PYY: variants seen among roughly 807,000 people sequenced by gnomAD.
The protein encoded by PYY is peptide tyrosine tyrosine.
In PYY, 12 loss-of-function variants were observed where a neutral mutation model predicts 10.3. The ratio of observed to expected loss-of-function variants is 1.17; its 90% CI spans 0.75 to 1.89. The LOEUF (loss-of-function observed/expected upper bound fraction) is 1.89. Among genes scored for constraint, PYY ranks in the 40% most tolerant of loss-of-function variants. The pLI is 0.00. For missense variants in PYY, 141 were observed against 134.0 expected (o/e 1.05, Z -0.26); for synonymous variants, 66 against 62.0 (o/e 1.06, Z -0.30).
At chr17:43,961,287 A>G (rs923514123) in intron 2 of PYY, among the ~76,000 whole-genome samples, 1 of 151,856 alleles carries the variant, frequency 6.6e-6, no homozygotes. Context: ...AAGTATCAGG[A>G]AGAATAGCTA....
intron 1 of PYY, among the ~76,000 whole-genome samples, chr17:43,996,983 G>T (rs576921508): frequency 6.6e-6 from 1 of 151,582 alleles, no homozygotes; most frequent in Non-Finnish European, 1.5e-5. Context: ...GCCACTGCAC[G>T]TGGCCTAATT....
chr17:43,995,614 A>T (rs949655392), intron 1 of PYY, among the ~76,000 whole-genome samples: 4 of 151,506 alleles, frequency 2.6e-5, no homozygotes, highest in African/African-American at 9.7e-5. Context: ...TGGGTGGATC[A>T]CTTGAGGTCA....
intron 1 of PYY, among the ~76,000 whole-genome samples, chr17:43,995,026 G>A (rs957827435): frequency 6.6e-6 from 1 of 152,172 alleles, no homozygotes; most frequent in African/African-American, 2.4e-5. Flanking sequence ...GCCAGTCCGG[G>A]ACTACCCGGG....
rs1415851269 is a variant in PYY at position 43,987,239 on chromosome 17, C to T, written c.-463+17152G>A. 1.3e-5 allele frequency among the ~76,000 whole-genome samples: 2 copies of T among 152,132 alleles called. No individual in the cohort carries two copies. Among genetic ancestry groups the T allele is most frequent in the Non-Finnish European group, 2.9e-5 (2 of 68,006 alleles). On this transcript the variant is annotated intron_variant, in intron 1 of 6. Coordinates refer to the PYY transcript ENST00000360085. The surrounding 1 kb of genome is among the most constrained non-coding windows in gnomAD (Gnocchi z 4.0). ...CCTGGAGACTCCTGAGAAAATGGGG[C>T]TTCCCTCCCTCCCCGCCGCTGCTCT... is the stretch of plus-strand genomic sequence containing the variant.
At chr17:43,989,175 CCATCCTGGCTAA>C (rs1283812996) in intron 1 of PYY, among the ~76,000 whole-genome samples, 5 of 151,906 alleles carry the variant, frequency 3.3e-5, no homozygotes, top group Admixed American at 6.6e-5. Context: ...GAGATCAAGA[CCATCCTGGCTAA>C]CACGGTGAAA....
At position 43,953,501 on chromosome 17, in the gene PYY, G is replaced by A. The variant is rs776187294; in HGVS notation, c.1-18C>T. ...AACACCATCTGGGAAGGCGACATTG[G>A]GACGTGGGTCATTCCAAGCCTCGAC... is the stretch of plus-strand genomic sequence containing the variant. On this transcript the variant is annotated intron_variant, in intron 1 of 3. Coordinates refer to ENST00000692052, the MANE Select transcript of PYY (RefSeq NM_001394028.1). 1.3e-6 allele frequency: 2 copies of A among 1,570,602 alleles called. No homozygotes were observed.
upstream of PYY, among the ~76,000 whole-genome samples, chr17:43,955,679 T>G (rs2048666964): frequency 6.6e-6 from 1 of 151,990 alleles, no homozygotes; most frequent in Non-Finnish European, 1.5e-5. Flanking sequence ...AAAGGAGAGA[T>G]ATGGCCATGT....
In PYY at chr17:43,953,387, G is replaced by A; in HGVS notation, c.97C>T (p.Pro33Ser). 2 of 1,612,854 alleles carry A rather than the reference G, an allele frequency of 1.2e-6. No homozygotes were observed. Among genetic ancestry groups the A allele is most frequent in the Non-Finnish European group, 8.5e-7 (1 of 1,179,596 alleles). Residue 33 changes from proline to serine, a missense_variant, in exon 2 of 4, where the codon CCC (proline) becomes TCC (serine). Coordinates refer to ENST00000692052, the MANE Select transcript of PYY (RefSeq NM_001394028.1). The stretch of plus-strand genomic sequence containing the variant: ...GAGGCGTCTTCGCGGGGAGCCTCGG[G>A]TTTGATGGGGTAGGCGTCGACCAGC... ...GALVDAYPIK[P>S]EAPREDASPE...
At chr17:43,966,018 G>A (rs1294595179) in intron 2 of PYY, among the ~76,000 whole-genome samples, 1 of 151,792 alleles carries the variant, frequency 6.6e-6, no homozygotes, top group African/African-American at 2.4e-5. Context: ...CAAAATCCCT[G>A]TAATTTGCTC....
upstream of PYY, among the ~76,000 whole-genome samples, chr17:43,958,414 A>G (rs56114994): frequency 0.012 from 1,741 of 149,088 alleles, 34 homozygotes; most frequent in African/African-American, 0.041. Flanking sequence ...ACGGAGTCTT[A>G]CTGTGTCACC....
At chr17:43,955,456 C>T (rs570635353), upstream of PYY, among the ~76,000 whole-genome samples, 391 of 152,288 alleles carry the variant, frequency 2.6e-3, 1 homozygote, top group African/African-American at 8.0e-3. Flanking sequence ...CACCTGCATT[C>T]TCCGGAAATG....
At chr17:43,975,790 ACATACACGTGTC>A (rs1431568461) in intron 1 of PYY, among the ~76,000 whole-genome samples, 2 of 135,676 alleles carry the variant, frequency 1.5e-5, no homozygotes, top group Non-Finnish European at 3.3e-5. Flanking sequence ...ATACACGTGT[ACATACACGTGTC>A]TACGTACGTG....
chr17:43,993,047 C>G (rs1232254372), intron 1 of PYY, among the ~76,000 whole-genome samples: 2 of 152,310 alleles, frequency 1.3e-5, no homozygotes, highest in East Asian at 3.9e-4. Flanking sequence ...GGCGCTGCGA[C>G]GCACACCTGT....
At chr17:43,983,887 C>G (rs955094162) in intron 1 of PYY, among the ~76,000 whole-genome samples, 1 of 152,202 alleles carries the variant, frequency 6.6e-6, no homozygotes, top group Non-Finnish European at 1.5e-5. Context: ...TGTCCGGTGC[C>G]GGCCGGGCTG....
upstream of PYY, among the ~76,000 whole-genome samples, chr17:43,958,731 G>A (rs1007304684): frequency 9.2e-5 from 14 of 152,334 alleles, no homozygotes; most frequent in East Asian, 1.9e-3. Flanking sequence ...CCACAGGGCC[G>A]TAGTTTGCTG....
At chr17:43,954,757 C>A (rs372029130), upstream of PYY, among the ~76,000 whole-genome samples, 3 of 152,328 alleles carry the variant, frequency 2.0e-5, no homozygotes, top group African/African-American at 7.2e-5. Context: ...CTGAGTGATG[C>A]CAAGGCTTCC....
chr17:43,956,828 G>A (rs954032716), upstream of PYY, among the ~76,000 whole-genome samples: 3 of 152,218 alleles, frequency 2.0e-5, no homozygotes, highest in Admixed American at 2.0e-4. Flanking sequence ...CATGCACTGT[G>A]TGGCACTGCT....
chr17:43,962,428 T>C (rs1488762591), intron 2 of PYY, among the ~76,000 whole-genome samples: 2 of 152,334 alleles, frequency 1.3e-5, no homozygotes, highest in East Asian at 3.9e-4. Context: ...AATTAACACA[T>C]CCATCACCTC....
chr17:43,991,239 G>A (rs2048955244), intron 1 of PYY, among the ~76,000 whole-genome samples: 1 of 151,796 alleles, frequency 6.6e-6, no homozygotes, highest in South Asian at 2.1e-4. Context: ...AGACTACCCT[G>A]GCCAACATGG....
Sources: allele counts gnomAD v4.1 joint callset (sites outside exome capture counted in the v4.1 genomes callset), GRCh38; gene constraint gnomAD v4.1.1; non-coding constraint Gnocchi (gnomAD v3.1); transcripts MANE v1.5; gene names NCBI Gene and HGNC (gene_info 2026-07-23, HGNC 2026-07-21).